Variants in SMAP1 observed in about 807,000 individuals in gnomAD.
SMAP1 encodes the protein stromal membrane-associated protein 1.
SMAP1 carries 24 observed loss-of-function variants against 58.5 expected under a neutral mutation model. The ratio of observed to expected loss-of-function variants is 0.41; its 90% CI spans 0.30 to 0.58. The LOEUF (loss-of-function observed/expected upper bound fraction) is 0.58. Ranked by LOEUF, SMAP1 falls within the 20% of genes least tolerant of loss-of-function variation. SMAP1 has a pLI of 0.29. For synonymous variants in SMAP1, 216 were observed against 196.6 expected, an observed-to-expected ratio of 1.10 and a Z score of -0.82; for missense variants, 563 against 566.3, an observed-to-expected ratio of 0.99 and a Z score of 0.06.
Position 70,861,782 on chromosome 6 carries a change from C to A in SMAP1, c.*1448C>A, listed in dbSNP as rs1263338160. On this transcript the variant is annotated 3_prime_UTR_variant, in exon 11 of 11. Coordinates refer to ENST00000370455, the MANE Select transcript of SMAP1 (RefSeq NM_001044305.3). ...GGAAGGAAATAGCTTGGGTAGCGCA[C>A]TCTTCATGGTGACACTCGAGGTCGG... The A allele has an allele frequency of 6.2e-7, 1 of 1,614,028 alleles. No individual in the cohort carries two copies. The highest frequency in any genetic ancestry group is 8.5e-7 in the Non-Finnish European group (1 of 1,179,930).
chr6:70,687,194 A>G (rs1278256980), intron 1 of SMAP1, among the ~76,000 whole-genome samples: 9 of 152,218 alleles, frequency 5.9e-5, no homozygotes, highest in African/African-American at 1.9e-4. Flanking sequence ...CATGGAAAGT[A>G]CAGTTTGACA....
chr6:70,813,999 T>C (rs1023645677), intron 6 of SMAP1, among the ~76,000 whole-genome samples: 4 of 152,164 alleles, frequency 2.6e-5, no homozygotes, highest in Non-Finnish European at 5.9e-5. Context: ...AAGTAAAAAA[T>C]GTGCAGCGAT....
intron 8 of SMAP1, among the ~76,000 whole-genome samples, chr6:70,855,099 C>CATATACATATAA (rs1344906092): frequency 6.6e-6 from 1 of 151,756 alleles, no homozygotes; most frequent in Non-Finnish European, 1.5e-5. Flanking sequence ...TATACATATA[C>CATATACATATAA]ATATACATAT....
chr6:70,730,989 C>T lies in SMAP1; in HGVS notation c.119-1389C>T, dbSNP rs544422313. ...TAATTTTTGTATTTTTAGTAGAGAC[C>T]GGATTTCACCAGGTTGGCCAGGCTG... On this transcript the variant is annotated intron_variant, in intron 1 of 10. Transcript: ENST00000370455. Among the ~76,000 whole-genome samples, 35 of 152,048 alleles carry T rather than the reference C, an allele frequency of 2.3e-4. No individual in the cohort carries two copies. In the South Asian group the frequency reaches 6.4e-3, roughly 28 times the overall value.
chr6:70,778,326 T>G (rs2149921302), intron 4 of SMAP1, among the ~76,000 whole-genome samples: 1 of 152,328 alleles, frequency 6.6e-6, no homozygotes, highest in African/African-American at 2.4e-5. Flanking sequence ...CCCCATTCAT[T>G]ATGATGTTAG....
intron 6 of SMAP1, among the ~76,000 whole-genome samples, chr6:70,836,463 CTG>C (rs1457119498): frequency 1.3e-5 from 2 of 152,272 alleles, no homozygotes; most frequent in East Asian, 3.9e-4. Flanking sequence ...CAGAACGAAA[CTG>C]TATCACAGGA....
At chr6:70,687,539 C>T (rs184206485) in intron 1 of SMAP1, among the ~76,000 whole-genome samples, 67 of 151,706 alleles carry the variant, frequency 4.4e-4, no homozygotes, top group Admixed American at 1.2e-3. Flanking sequence ...ATTTTTTTGC[C>T]GCCATTTAGT....
intron 7 of SMAP1, among the ~76,000 whole-genome samples, chr6:70,845,015 T>C (rs563646010): frequency 2.0e-5 from 3 of 152,336 alleles, no homozygotes; most frequent in Middle Eastern, 3.4e-3. Context: ...TCACTAGTTA[T>C]GGAAGAAGAA....
chr6:70,741,507 C>T lies in SMAP1; in HGVS notation c.252+8996C>T, dbSNP rs367586588. Among the ~76,000 whole-genome samples, 15 of 152,336 alleles carry T rather than the reference C, an allele frequency of 9.8e-5. No homozygotes were observed. The East Asian group carries it at 1.4e-3, about 14-fold the overall frequency. ...GTTCCTATGGCCTTGGGCAGCTCCA[C>T]CCCTATGGCTTTGCCCCTGTGTCTT... On this transcript the variant is annotated intron_variant, in intron 2 of 10. Coordinates refer to ENST00000370455, the MANE Select transcript of SMAP1 (RefSeq NM_001044305.3).
Position 70,753,774 on chromosome 6 carries a change from G to A in SMAP1, c.253-1206G>A, listed in dbSNP as rs1302188404. Among the ~76,000 whole-genome samples the A allele has an allele frequency of 2.0e-5, 3 of 151,690 alleles. No individual in the cohort carries two copies. In the South Asian group the frequency reaches 6.2e-4, roughly 32 times the overall value. The stretch of plus-strand genomic sequence containing the variant: ...ATCTTGGAGCTTAATGGTAAAGCCC[G>A]CCCCTTTAATCCATTTTTCTCACTG... On this transcript the variant is annotated intron_variant, in intron 2 of 10. Coordinates refer to ENST00000370455, the MANE Select transcript of SMAP1 (RefSeq NM_001044305.3).
intron 10 of SMAP1, chr6:70,859,431 T>C (rs1387129459): frequency 2.0e-6 from 3 of 1,495,250 alleles, no homozygotes; most frequent in Non-Finnish European, 2.7e-6. Flanking sequence ...GAAGACGTGA[T>C]CTGCTTCTTC....
At chr6:70,748,139 A>G (rs889318627) in intron 2 of SMAP1, among the ~76,000 whole-genome samples, 1 of 152,192 alleles carries the variant, frequency 6.6e-6, no homozygotes, top group African/African-American at 2.4e-5. Context: ...CTCCTATGCA[A>G]GAAATCCTGG....
chr6:70,694,806 C>T (rs1370006941), intron 1 of SMAP1, among the ~76,000 whole-genome samples: 1 of 152,134 alleles, frequency 6.6e-6, no homozygotes, highest in African/African-American at 2.4e-5. Flanking sequence ...TTGTAAACAC[C>T]TTAATAACTT....
At chr6:70,848,362 T>C (rs894633385) in intron 7 of SMAP1, among the ~76,000 whole-genome samples, 1 of 152,236 alleles carries the variant, frequency 6.6e-6, no homozygotes, top group African/African-American at 2.4e-5. Context: ...ATTTTTAGAC[T>C]GTTTAAGTAA....
intron 10 of SMAP1, 43 bp from the exon 11 acceptor site, chr6:70,860,157 G>C (rs555577913): frequency 2.0e-6 from 3 of 1,532,766 alleles, no homozygotes; most frequent in Non-Finnish European, 2.6e-6. Context: ...AGAATTAAAA[G>C]TGAAGTAAGC....
chr6:70,859,965 A>C, intron 10 of SMAP1: 1 of 380,454 alleles, frequency 2.6e-6, no homozygotes, highest in Non-Finnish European at 4.6e-6. Context: ...TTGCTTTGGT[A>C]TTTTTTTTTA....
At chr6:70,758,772 G>C (rs1296136029) in intron 3 of SMAP1, among the ~76,000 whole-genome samples, 3 of 152,066 alleles carry the variant, frequency 2.0e-5, no homozygotes, top group Admixed American at 2.0e-4. Context: ...CATTAAGATT[G>C]GCTTTGGTTC....
At chr6:70,829,883 G>GT (rs1377105701) in intron 6 of SMAP1, among the ~76,000 whole-genome samples, 2 of 152,272 alleles carry the variant, frequency 1.3e-5, no homozygotes, top group Admixed American at 1.3e-4. Flanking sequence ...AGGCTCAGCT[G>GT]TTATGTCTGT....
intron 8 of SMAP1, among the ~76,000 whole-genome samples, chr6:70,854,225 G>A (rs553114825): frequency 1.3e-5 from 2 of 152,288 alleles, no homozygotes; most frequent in Admixed American, 1.3e-4. Flanking sequence ...TTGGAACACT[G>A]TTATGTTGAG....
Sources: gnomAD v4.1 joint callset for allele counts (sites outside exome capture counted in the v4.1 genomes callset) on GRCh38, gnomAD v4.1.1 for gene constraint, MANE v1.5 for transcripts, NCBI Gene and HGNC (gene_info 2026-07-23, HGNC 2026-07-21) for gene names.